The following LTBP1 variants were observed in gnomAD, a reference collection of about 807,000 sequenced individuals.
LTBP1 encodes latent-transforming growth factor beta-binding protein 1.
LTBP1 carries 129 observed loss-of-function variants against 207.6 expected under a neutral mutation model. The observed-to-expected ratio is 0.62, with a 90% CI of 0.54 to 0.72. LTBP1 has a LOEUF of 0.72. Ranked by LOEUF, LTBP1 falls within the 30% of genes least tolerant of loss-of-function variation. The pLI is 0.00. For missense variants in LTBP1, 2,281 were observed against 2,217.2 expected, an observed-to-expected ratio of 1.03 and a Z score of -0.58; for synonymous variants, 963 against 833.7, an observed-to-expected ratio of 1.16 and a Z score of -2.67.
chr2:33,104,107 C>T (rs2079916352), intron 3 of LTBP1, among the ~76,000 whole-genome samples: 1 of 152,128 alleles, frequency 6.6e-6, no homozygotes, highest in South Asian at 2.1e-4. Flanking sequence ...CTCCCACCCT[C>T]TCTGCAGGTC....
At chr2:33,188,314 G>A (rs1012843531) in intron 6 of LTBP1, among the ~76,000 whole-genome samples, 11 of 151,552 alleles carry the variant, frequency 7.3e-5, no homozygotes, top group South Asian at 2.1e-4. Flanking sequence ...CCAGGTACTC[G>A]GGAGGCTGAG....
intron 5 of LTBP1, among the ~76,000 whole-genome samples, chr2:33,152,678 G>C (rs999218713): frequency 2.6e-5 from 4 of 152,150 alleles, no homozygotes; most frequent in Non-Finnish European, 5.9e-5. Context: ...GTTTTGATTT[G>C]CATTCCCCTA....
intron 3 of LTBP1, among the ~76,000 whole-genome samples, chr2:33,040,951 CTG>C (rs2076153250): frequency 6.6e-6 from 1 of 152,228 alleles, no homozygotes; most frequent in African/African-American, 2.4e-5. Flanking sequence ...AATGGTCACA[CTG>C]TGCTGGTACC....
chr2:33,300,337 G>C (rs763727821), intron 20 of LTBP1, 114 bp from the exon 21 acceptor site: 11 of 994,174 alleles, frequency 1.1e-5, no homozygotes, highest in Non-Finnish European at 1.5e-5. Flanking sequence ...TGTAGTGCCA[G>C]ACATAAGAAG....
At chr2:33,079,683 G>T (rs571644919) in intron 3 of LTBP1, among the ~76,000 whole-genome samples, 1 of 152,046 alleles carries the variant, frequency 6.6e-6, no homozygotes, top group African/African-American at 2.4e-5. Flanking sequence ...ACTTCTCCCA[G>T]TTCTGGTCCT....
chr2:33,283,367 T>C (rs2148622174), intron 19 of LTBP1, among the ~76,000 whole-genome samples: 1 of 151,594 alleles, frequency 6.6e-6, no homozygotes, highest in South Asian at 2.1e-4. Context: ...TAATATAGGA[T>C]ATATTGATGA....
intron 26 of LTBP1, among the ~76,000 whole-genome samples, chr2:33,359,127 C>T (rs552737082): frequency 6.6e-6 from 1 of 152,302 alleles, no homozygotes; most frequent in East Asian, 1.9e-4. Context: ...TTAATGCTGA[C>T]TTACAGTCCA....
chr2:32,969,227 ATTTGTGTGTGTG>A (rs1181427321), intron 2 of LTBP1, among the ~76,000 whole-genome samples: 7,878 of 92,580 alleles, frequency 0.085, 247 homozygotes, highest in Middle Eastern at 0.13. Context: ...CACCTGGCCA[ATTTGTGTGTGTG>A]TGTGTGTGTG....
chr2:33,338,951 G>A (rs2094584249), intron 24 of LTBP1, among the ~76,000 whole-genome samples: 1 of 152,184 alleles, frequency 6.6e-6, no homozygotes, highest in South Asian at 2.1e-4. Flanking sequence ...CTTTAGCCAA[G>A]AGGAGATTCT....
chr2:33,399,212 G>A lies in LTBP1; in HGVS notation c.*667G>A, dbSNP rs1804505. 0.071 allele frequency: 10,760 copies of A among 152,458 alleles called. 407 individuals carry two copies. The highest frequency in any genetic ancestry group is 0.093 in the African/African-American group (3,854 of 41,504). The allele number at this position is 152,458 out of a possible 1,614,324, so 9.4% of individuals were successfully genotyped here. On this transcript the variant is annotated 3_prime_UTR_variant, in exon 34 of 34. Transcript: ENST00000404816. Reference sequence around the variant, plus strand: ...CCAAGCTGCTAGCAGGTGTTAATTGGATCCCTTTCCTTCACTGAAATGGAA... The same window carrying A: ...CCAAGCTGCTAGCAGGTGTTAATTGAATCCCTTTCCTTCACTGAAATGGAA...
intron 31 of LTBP1, among the ~76,000 whole-genome samples, chr2:33,375,834 G>A (rs2095133433): frequency 6.6e-6 from 1 of 151,508 alleles, no homozygotes; most frequent in Non-Finnish European, 1.5e-5. Flanking sequence ...CAGCCACTGC[G>A]CCCGGCCTAT....
Position 33,231,726 on chromosome 2 carries a change from G to T in LTBP1, c.1876+9575G>T, listed in dbSNP as rs534581878. Among the ~76,000 whole-genome samples, 21 of 152,168 alleles carry T rather than the reference G, an allele frequency of 1.4e-4. No individual in the cohort carries two copies. The South Asian group carries it at 4.2e-3, about 30-fold the overall frequency. ...GAATGTGTCTTGTAGCATAGTGCTG[G>T]ATTAAAACAGACATGTAGAATGAGG... On this transcript the variant is annotated intron_variant, in intron 9 of 33. Coordinates refer to ENST00000404816, the MANE Select transcript of LTBP1 (RefSeq NM_206943.4).
rs192379171 is a variant in LTBP1, at chr2:33,183,925, C to G, written c.1202-2931C>G. On this transcript the variant is annotated intron_variant, in intron 5 of 33. Transcript: ENST00000404816. ...TTTGACTTGATCTGCAGCCTACGCC[C>G]TGAAGAAAGTTTCTGGGTTGTCACC... Among the ~76,000 whole-genome samples the G allele has an allele frequency of 1.2e-4, 18 of 152,294 alleles. No individual in the cohort carries two copies. The East Asian group carries it at 3.1e-3, about 26-fold the overall frequency.
chr2:33,335,176 A>G (rs1480921427), intron 24 of LTBP1, among the ~76,000 whole-genome samples: 1 of 140,808 alleles, frequency 7.1e-6, no homozygotes, highest in South Asian at 2.2e-4. Flanking sequence ...ATGCTGGGGA[A>G]AAAAAAAAAA....
At position 33,004,816 on chromosome 2, in the gene LTBP1, A is replaced by ATATAT. The variant is rs1558501569; in HGVS notation, c.566-16093_566-16092insTATAT. Among the ~76,000 whole-genome samples, 75 of 72,048 alleles carry ATATAT rather than the reference A, an allele frequency of 1.0e-3. 1 individual carries two copies. The highest frequency in any genetic ancestry group is 2.9e-3 in the African/African-American group (72 of 25,174). 47.3% of individuals were successfully genotyped at this position (72,048 alleles called of 152,430 possible). On this transcript the variant is annotated intron_variant, in intron 2 of 33. Coordinates refer to ENST00000404816, the MANE Select transcript of LTBP1 (RefSeq NM_206943.4). Reference sequence around the variant, plus strand: ...ATATATATATATATATATATATATAAACATAAAATTTGTAAAATAGTATTT... The same window carrying ATATAT: ...ATATATATATATATATATATATATAATATATACATAAAATTTGTAAAATAGTATTT...
At chr2:33,262,696 TTC>T in intron 13 of LTBP1, 24 bp from the exon 14 acceptor site, 1 of 1,235,350 alleles carries the variant, frequency 8.1e-7, no homozygotes, top group Non-Finnish European at 1.2e-6. Flanking sequence ...TTTTTTCTTA[TTC>T]TCTTTTAAAA....
At chr2:33,393,677 A>C (rs2095335819) in intron 32 of LTBP1, among the ~76,000 whole-genome samples, 1 of 152,076 alleles carries the variant, frequency 6.6e-6, no homozygotes, top group African/African-American at 2.4e-5. Context: ...ACATTTTCTT[A>C]ATCCAGTCTA....
chr2:33,057,014 G>C (rs1054874512), intron 3 of LTBP1, among the ~76,000 whole-genome samples: 1 of 152,066 alleles, frequency 6.6e-6, no homozygotes, highest in Non-Finnish European at 1.5e-5. Flanking sequence ...AGTTCTCCAC[G>C]TCCCCACTAG....
At chr2:33,050,745 T>G (rs1018397473) in intron 3 of LTBP1, among the ~76,000 whole-genome samples, 1 of 151,904 alleles carries the variant, frequency 6.6e-6, no homozygotes, top group Non-Finnish European at 1.5e-5. Context: ...CTCTTTTTTT[T>G]TTTTTTGAGA....
Sources: allele counts gnomAD v4.1 joint callset (sites outside exome capture counted in the v4.1 genomes callset), GRCh38; gene constraint gnomAD v4.1.1; transcripts MANE v1.5; gene names NCBI Gene and HGNC (gene_info 2026-07-23, HGNC 2026-07-21).